Variants in BTBD9 observed in about 807,000 individuals in gnomAD.
BTBD9 encodes BTB/POZ domain-containing protein 9.
In BTBD9, 49 loss-of-function variants were observed where a neutral mutation model predicts 64.3. The observed-to-expected ratio is 0.76, with a 90% confidence interval of 0.61 to 0.97. The LOEUF (loss-of-function observed/expected upper bound fraction) is 0.97, where lower values mean the gene tolerates loss of function less well. Ranked by LOEUF, BTBD9 falls within the 50% of genes least tolerant of loss-of-function variation. The pLI, the probability that BTBD9 is intolerant of heterozygous loss-of-function variation, is 0.00. For missense variants in BTBD9, 598 were observed against 762.1 expected (o/e 0.78, Z 2.53); for synonymous variants, 260 against 274.7 (o/e 0.95, Z 0.53).
chr6:38,212,206 T>C (rs957346557), intron 9 of BTBD9, among the ~76,000 whole-genome samples: 1 of 152,174 alleles, frequency 6.6e-6, no homozygotes, highest in African/African-American at 2.4e-5. Context: ...TCTCCACCCA[T>C]GGTGCAGGCT....
At chr6:38,600,650 T>C (rs1311919934) in intron 1 of BTBD9, among the ~76,000 whole-genome samples, 4 of 152,194 alleles carry the variant, frequency 2.6e-5, no homozygotes, top group Non-Finnish European at 4.4e-5. Context: ...ATATTTAATA[T>C]ATTTTCTGGT....
chr6:38,241,027 T>C (rs1198571332), intron 9 of BTBD9, among the ~76,000 whole-genome samples: 1 of 152,166 alleles, frequency 6.6e-6, no homozygotes, highest in African/African-American at 2.4e-5. Flanking sequence ...GATTCAGAAA[T>C]GTGAAACAAA....
intron 6 of BTBD9, among the ~76,000 whole-genome samples, chr6:38,446,789 C>T (rs1212068255): frequency 1.3e-5 from 2 of 152,154 alleles, no homozygotes; most frequent in Non-Finnish European, 2.9e-5. Flanking sequence ...TGAACTTGAA[C>T]CCAGTTTGTT....
At chr6:38,513,712 G>A (rs7757789) in intron 6 of BTBD9, among the ~76,000 whole-genome samples, 26,919 of 152,110 alleles carry the variant, frequency 0.18, 2,699 homozygotes, top group Admixed American at 0.24. Context: ...ACCAGCAGAG[G>A]TGGGGTAGAC....
intron 7 of BTBD9, among the ~76,000 whole-genome samples, chr6:38,325,107 AT>A (rs1281844408): frequency 5.3e-5 from 8 of 152,240 alleles, no homozygotes; most frequent in African/African-American, 1.9e-4. Flanking sequence ...TGATGTATAA[AT>A]CTTAATACTG....
intron 1 of BTBD9, among the ~76,000 whole-genome samples, chr6:38,607,336 T>C (rs1777463154): frequency 6.6e-6 from 1 of 152,160 alleles, no homozygotes; most frequent in African/African-American, 2.4e-5. Flanking sequence ...ACTGACGATA[T>C]ATGTCTTTCT....
At chr6:38,208,303 T>G (rs1350437461) in intron 9 of BTBD9, among the ~76,000 whole-genome samples, 2 of 152,184 alleles carry the variant, frequency 1.3e-5, no homozygotes, top group Non-Finnish European at 2.9e-5. Context: ...TGAGTGAGCC[T>G]CTTGAGCTGA....
chr6:38,240,441 T>C (rs968935164), intron 9 of BTBD9, among the ~76,000 whole-genome samples: 3 of 152,242 alleles, frequency 2.0e-5, no homozygotes, highest in African/African-American at 7.2e-5. Flanking sequence ...AATGCCTAGA[T>C]AAATATCAGA....
intron 10 of BTBD9, among the ~76,000 whole-genome samples, chr6:38,182,007 A>G (rs1216242875): frequency 6.6e-6 from 1 of 152,030 alleles, no homozygotes; most frequent in Non-Finnish European, 1.5e-5. Context: ...AAACAAACAA[A>G]CACAACAAAA....
chr6:38,308,235 G>A (rs1762697355), intron 7 of BTBD9, among the ~76,000 whole-genome samples: 1 of 152,208 alleles, frequency 6.6e-6, no homozygotes, highest in Non-Finnish European at 1.5e-5. Context: ...ATTGAGGACA[G>A]AGGCATTTCC....
At chr6:38,366,257 AT>A in intron 6 of BTBD9, among the ~76,000 whole-genome samples, 1 of 152,316 alleles carries the variant, frequency 6.6e-6, no homozygotes, top group East Asian at 1.9e-4. Context: ...AATTTGCAAA[AT>A]AAGTACCCCC....
intron 7 of BTBD9, among the ~76,000 whole-genome samples, chr6:38,320,929 A>C (rs1055805178): frequency 1.3e-4 from 20 of 152,194 alleles, no homozygotes; most frequent in African/African-American, 4.8e-4. Context: ...AACTATTAGC[A>C]CCTGCTAGTG....
chr6:38,211,999 A>G (rs1451862506), intron 9 of BTBD9, among the ~76,000 whole-genome samples: 1 of 152,182 alleles, frequency 6.6e-6, no homozygotes, highest in Non-Finnish European at 1.5e-5. Context: ...GGGAAGGGAA[A>G]TCAGCAATTT....
chr6:38,212,267 T>C (rs1301990026), intron 9 of BTBD9, among the ~76,000 whole-genome samples: 1 of 152,104 alleles, frequency 6.6e-6, no homozygotes, highest in Non-Finnish European at 1.5e-5. Flanking sequence ...TAGAGTGAGG[T>C]GGACGCAACA....
At chr6:38,444,694 A>G (rs1769192100) in intron 6 of BTBD9, among the ~76,000 whole-genome samples, 1 of 152,132 alleles carries the variant, frequency 6.6e-6, no homozygotes, top group African/African-American at 2.4e-5. Context: ...TAGGGCTGCT[A>G]TGAGGATTAT....
chr6:38,461,705 G>A lies in BTBD9; in HGVS notation c.1154+115895C>T, dbSNP rs116774753. Among the ~76,000 whole-genome samples, 544 of 152,288 alleles carry A rather than the reference G, an allele frequency of 3.6e-3. 4 individuals are homozygous for A. The highest frequency in any genetic ancestry group is 0.012 in the African/African-American group (501 of 41,554). On this transcript the variant is annotated intron_variant, in intron 6 of 10. Transcript: ENST00000481247. ...TAAGAGTAAAATGGCTGAATCATAT[G>A]TAGGTATATGTTTAACTTTTTAGGA... is the stretch of plus-strand genomic sequence containing the variant.
chr6:38,419,376 T>C (rs962057050), intron 6 of BTBD9, among the ~76,000 whole-genome samples: 18 of 152,210 alleles, frequency 1.2e-4, no homozygotes, highest in Non-Finnish European at 2.9e-5. Flanking sequence ...GTGAGTTGTA[T>C]GGTATATAAA....
intron 7 of BTBD9, among the ~76,000 whole-genome samples, chr6:38,339,858 C>G (rs2127587067): frequency 6.6e-6 from 1 of 152,260 alleles, no homozygotes. Flanking sequence ...AGTGGCATAA[C>G]TACACAGAGA....
intron 6 of BTBD9, among the ~76,000 whole-genome samples, chr6:38,568,004 G>A (rs1775599083): frequency 6.6e-6 from 1 of 152,144 alleles, no homozygotes; most frequent in African/African-American, 2.4e-5. Context: ...TACCTGATGA[G>A]CCACTACCAC....
Sources: gnomAD v4.1 joint callset for allele counts (sites outside exome capture counted in the v4.1 genomes callset) on GRCh38, gnomAD v4.1.1 for gene constraint, MANE v1.5 for transcripts, NCBI Gene and HGNC (gene_info 2026-07-23, HGNC 2026-07-21) for gene names.